Variants in IGF1R observed in about 807,000 individuals in gnomAD.
IGF1R encodes insulin-like growth factor 1 receptor.
A neutral mutation model predicts 144.6 loss-of-function variants in IGF1R; 44 were observed. That is an observed-to-expected ratio of 0.30 (90% CI 0.24 to 0.39). IGF1R has a LOEUF of 0.39. IGF1R is among the 10% of genes least tolerant of loss of function. The pLI is 1.00. For missense variants in IGF1R, 1,355 were observed against 1,833.7 expected, an observed-to-expected ratio of 0.74 and a Z score of 4.77; for synonymous variants, 795 against 722.8, an observed-to-expected ratio of 1.10 and a Z score of -1.60.
intron 2 of IGF1R, among the ~76,000 whole-genome samples, chr15:98,725,556 T>A (rs1487854224): frequency 6.6e-6 from 1 of 152,160 alleles, no homozygotes; most frequent in Non-Finnish European, 1.5e-5. Context: ...CATGCCGGTC[T>A]TTGGGACTCC....
At chr15:98,925,764 G>A (rs546754089) in intron 13 of IGF1R, among the ~76,000 whole-genome samples, 1 of 152,158 alleles carries the variant, frequency 6.6e-6, no homozygotes, top group African/African-American at 2.4e-5. Flanking sequence ...ATTAGTTGGG[G>A]GTGGTGGTAC....
chr15:98,964,190 T>G lies in IGF1R; in HGVS notation c.*6748T>G, dbSNP rs560224845. The G allele has an allele frequency of 3.0e-4, 69 of 232,798 alleles. No individual in the cohort carries two copies. Among genetic ancestry groups the G allele is most frequent in the African/African-American group, 1.4e-3 (63 of 45,366 alleles). 14.4% of individuals were successfully genotyped at this position (232,798 alleles called of 1,614,324 possible). A position where few individuals can be genotyped will look rare whatever the true frequency, so the allele number is the denominator to read the frequency against. On this transcript the variant is annotated 3_prime_UTR_variant, in exon 21 of 21. Transcript: ENST00000650285. ...GATGCACCGCAAATAATGCATTTTC[T>G]GAGTTTTCTTGTTAAAAAAAAATTT...
chr15:98,711,905 A>C (rs963562284), intron 2 of IGF1R, among the ~76,000 whole-genome samples: 2 of 151,732 alleles, frequency 1.3e-5, no homozygotes, highest in South Asian at 4.2e-4. Context: ...GAGGGCCCAC[A>C]CTCTGGTTCA....
At chr15:98,929,377 A>G (rs1285150169) in intron 13 of IGF1R, among the ~76,000 whole-genome samples, 181 bp from the exon 14 acceptor site, 1 of 152,190 alleles carries the variant, frequency 6.6e-6, no homozygotes, top group Non-Finnish European at 1.5e-5. Context: ...CTTTTTTCAA[A>G]TAATTGTTTG....
chr15:98,943,765 T>C (rs1372038640), intron 19 of IGF1R, among the ~76,000 whole-genome samples: 1 of 152,210 alleles, frequency 6.6e-6, no homozygotes, highest in Non-Finnish European at 1.5e-5. Flanking sequence ...TATCAGCTAG[T>C]GTCTTGGCTT....
chr15:98,651,815 C>A (rs975331000), intron 1 of IGF1R, among the ~76,000 whole-genome samples: 2 of 152,116 alleles, frequency 1.3e-5, no homozygotes, highest in Admixed American at 6.6e-5. Flanking sequence ...CAGAAGGCAC[C>A]CCAAATCTCG....
chr15:98,757,433 G>C (rs1286500961), intron 2 of IGF1R, among the ~76,000 whole-genome samples: 3 of 151,958 alleles, frequency 2.0e-5, no homozygotes, highest in Non-Finnish European at 4.4e-5. Flanking sequence ...CAAAGTGCTG[G>C]GATTACAGGT....
chr15:98,815,345 C>A (rs1306198926), intron 2 of IGF1R, among the ~76,000 whole-genome samples: 1 of 152,172 alleles, frequency 6.6e-6, no homozygotes, highest in Non-Finnish European at 1.5e-5. Flanking sequence ...CTTCCTGTTG[C>A]TCCTTTCCGA....
At chr15:98,685,658 C>T (rs1483021590) in intron 1 of IGF1R, among the ~76,000 whole-genome samples, 2 of 152,150 alleles carry the variant, frequency 1.3e-5, no homozygotes, top group African/African-American at 4.8e-5. Context: ...GTGGGCTGGG[C>T]CCCTGGTGGT....
intron 2 of IGF1R, among the ~76,000 whole-genome samples, chr15:98,836,139 T>A (rs2057095771): frequency 6.6e-6 from 1 of 152,038 alleles, no homozygotes; most frequent in African/African-American, 2.4e-5. Context: ...AGCAACTTTG[T>A]AGTGAGGATG....
intron 2 of IGF1R, among the ~76,000 whole-genome samples, chr15:98,810,938 A>G (rs925987430): frequency 1.3e-5 from 2 of 152,104 alleles, no homozygotes; most frequent in African/African-American, 4.8e-5. Context: ...GTTGCACATA[A>G]AGTTTCATTG....
chr15:98,942,275 T>C (rs1010297771), intron 18 of IGF1R, among the ~76,000 whole-genome samples: 4 of 152,186 alleles, frequency 2.6e-5, no homozygotes, highest in Admixed American at 6.5e-5. Flanking sequence ...ACCAGTGGTC[T>C]CTGCAGTACT....
In IGF1R at chr15:98,959,851, C is replaced by CT. The variant is rs1188270745; in HGVS notation, c.*2412dup. The CT allele has an allele frequency of 1.5e-5, 2 of 132,024 alleles. No individual in the cohort carries two copies. Among genetic ancestry groups the CT allele is most frequent in the Non-Finnish European group, 3.0e-5 (2 of 66,660 alleles). The allele number at this position is 132,024 out of a possible 1,614,324, so 8.2% of individuals were successfully genotyped here. A position where few individuals can be genotyped will look rare whatever the true frequency, so the allele number is the denominator to read the frequency against. On this transcript the variant is annotated 3_prime_UTR_variant, in exon 21 of 21. Coordinates refer to ENST00000650285, the MANE Select transcript of IGF1R (RefSeq NM_000875.5). ...TAGTCTCTATCCCATAGCGTGTTCCCTTTAAAAAAAAAAAAAAGGTATTAT... is the reference window on the plus strand; with the variant it reads ...TAGTCTCTATCCCATAGCGTGTTCCCTTTTAAAAAAAAAAAAAAGGTATTAT...
chr15:98,721,060 G>T (rs1567094256), intron 2 of IGF1R, among the ~76,000 whole-genome samples: 1 of 152,136 alleles, frequency 6.6e-6, no homozygotes, highest in Non-Finnish European at 1.5e-5. Context: ...TTGGTTTTCG[G>T]CATCTGGGTT....
intron 3 of IGF1R, among the ~76,000 whole-genome samples, chr15:98,893,706 G>A (rs1169530884): frequency 6.6e-6 from 1 of 152,200 alleles, no homozygotes; most frequent in African/African-American, 2.4e-5. Context: ...CACCAGAGTT[G>A]TGGCAAAGTG....
rs139283559 is a variant in IGF1R at position 98,749,009 on chromosome 15, T to C, written c.640+40902T>C. On this transcript the variant is annotated intron_variant, in intron 2 of 20. Transcript: ENST00000650285. ...GTCAGGGTGGGAATTATCTCTTTTC[T>C]TTCCATGAGACCTCCACTGTGCATT... 5.9e-3 allele frequency among the ~76,000 whole-genome samples: 900 copies of C among 152,300 alleles called. 4 individuals are homozygous for C. Among genetic ancestry groups the C allele is most frequent in the Non-Finnish European group, 9.1e-3 (617 of 68,032 alleles).
intron 19 of IGF1R, among the ~76,000 whole-genome samples, chr15:98,947,449 G>A (rs1486427503): frequency 6.6e-6 from 1 of 152,168 alleles, no homozygotes; most frequent in Admixed American, 6.5e-5. Context: ...CCCAGGACAG[G>A]TCCAGCTAGA....
chr15:98,958,285 C>T lies in IGF1R; in HGVS notation c.*843C>T. ...AGGTGGGGAGAAGCTGAACCGGCTT[C>T]CCTGCCCTGCCTCCCCAGCCCCCTG... On this transcript the variant is annotated 3_prime_UTR_variant, in exon 21 of 21. Transcript: ENST00000650285. The T allele has an allele frequency of 4.3e-6, 1 of 231,260 alleles. No individual in the cohort carries two copies. The highest frequency in any genetic ancestry group is 6.1e-5 in the East Asian group (1 of 16,300). 14.3% of individuals were successfully genotyped at this position (231,260 alleles called of 1,614,324 possible). A position where few individuals can be genotyped will look rare whatever the true frequency, so the allele number is the denominator to read the frequency against.
intron 2 of IGF1R, among the ~76,000 whole-genome samples, chr15:98,777,432 C>T (rs150233350): frequency 6.6e-6 from 1 of 152,142 alleles, no homozygotes; most frequent in South Asian, 2.1e-4. Context: ...GTGAGGGGCC[C>T]GGGGAGGCCC....
Sources: allele counts gnomAD v4.1 joint callset (sites outside exome capture counted in the v4.1 genomes callset), GRCh38; gene constraint gnomAD v4.1.1; transcripts MANE v1.5; gene names NCBI Gene and HGNC (gene_info 2026-07-23, HGNC 2026-07-21).